ZNF664: variants seen among roughly 807,000 people sequenced by gnomAD.
ZNF664 encodes the protein zinc finger protein 664, also known as zinc finger Organ of Corti 1.
Under a neutral mutation model 18.2 loss-of-function variants are expected in ZNF664, and 10 were observed. The ratio of observed to expected loss-of-function variants is 0.55; its 90% CI spans 0.34 to 0.93. ZNF664 has a LOEUF of 0.93. Ranked by LOEUF, ZNF664 falls within the 40% of genes least tolerant of loss-of-function variation. The probability of loss-of-function intolerance (pLI) is 0.02; values close to 1 mark genes in which losing one functional copy is unlikely to be tolerated. For synonymous variants in ZNF664, 119 were observed against 104.2 expected (o/e 1.14, Z -0.86); for missense variants, 193 against 319.0 (o/e 0.61, Z 3.01).
chr12:123,973,570 T>G (rs1956627620), intron 1 of ZNF664: 8 of 334,954 alleles, frequency 2.4e-5, no homozygotes, highest in Non-Finnish European at 3.4e-5. Flanking sequence ...CCCTCGGGCC[T>G]CGGGCGGTCG....
chr12:124,001,608 C>T (rs753408016), intron 3 of ZNF664, among the ~76,000 whole-genome samples: 16 of 152,210 alleles, frequency 1.1e-4, no homozygotes, highest in Non-Finnish European at 2.1e-4. Flanking sequence ...AAAGTGGTCT[C>T]CCCTGACCTC....
intron 3 of ZNF664, among the ~76,000 whole-genome samples, chr12:124,010,164 T>C (rs1443929347): frequency 6.6e-6 from 1 of 152,224 alleles, no homozygotes; most frequent in East Asian, 1.9e-4. Context: ...TTTTTGTAGA[T>C]ATATGACCAT....
At chr12:123,996,404 G>A (rs563716991) in intron 3 of ZNF664, among the ~76,000 whole-genome samples, 1 of 152,134 alleles carries the variant, frequency 6.6e-6, no homozygotes, top group Non-Finnish European at 1.5e-5. Context: ...GGTGGAAGTT[G>A]GGGAGAATGT....
Position 123,973,686 on chromosome 12 carries a change from G to A in ZNF664, c.-891-200G>A, listed in dbSNP as rs1447805181. On this transcript the variant is annotated intron_variant, in intron 1 of 4. Coordinates refer to ENST00000337815, the MANE Select transcript of ZNF664 (RefSeq NM_152437.3). ...GGGCGAGGCCGGGCGAGGCCCCTCG[G>A]GAGCCGGACTCCCGAGCCAGGCTCC... 8.5e-6 allele frequency: 8 copies of A among 944,540 alleles called. No homozygotes were observed. The Admixed American group carries it at 2.8e-4, about 33-fold the overall frequency. The allele number at this position is 944,540 out of a possible 1,614,324, so 58.5% of individuals were successfully genotyped here. A position where few individuals can be genotyped will look rare whatever the true frequency, so the allele number is the denominator to read the frequency against.
At chr12:123,979,046 G>T (rs1316737197) in intron 2 of ZNF664, among the ~76,000 whole-genome samples, 4 of 152,124 alleles carry the variant, frequency 2.6e-5, no homozygotes, top group African/African-American at 9.7e-5. Context: ...AAATATAAGA[G>T]AATTTGTTAT....
Position 124,012,596 on chromosome 12 carries a change from C to T in ZNF664, c.452C>T (p.Ala151Val). The T allele has an allele frequency of 6.2e-7, 1 of 1,613,982 alleles. No individual in the cohort carries two copies. Among genetic ancestry groups the T allele is most frequent in the Non-Finnish European group, 8.5e-7 (1 of 1,179,944 alleles). The change falls in exon 5 of 5, where the codon GCC becomes GTC. Residue 151 changes from alanine (A) to valine (V), a missense_variant. By Grantham distance (64) the Ala-to-Val change is moderately conservative (BLOSUM62 0). This residue lies in a region of ZNF664 where 61 missense variants were observed against 153.7 expected (regional missense o/e 0.40). Coordinates refer to ENST00000337815, the MANE Select transcript of ZNF664 (RefSeq NM_152437.3). ...KPFKCEECGK[A>V]FRHTSSLCMH... ...TTTAAATGTGAAGAGTGTGGGAAGGCCTTCAGGCACACCTCCAGCCTCTGC... is the reference window on the plus strand; with the variant it reads ...TTTAAATGTGAAGAGTGTGGGAAGGTCTTCAGGCACACCTCCAGCCTCTGC...
intron 2 of ZNF664, chr12:123,974,649 A>G (rs969156771): frequency 6.6e-6 from 1 of 151,606 alleles, no homozygotes; most frequent in Admixed American, 6.6e-5. Context: ...GATGCCGACT[A>G]TTATGTGTGT....
intron 3 of ZNF664, among the ~76,000 whole-genome samples, chr12:123,990,261 A>G (rs1397647226): frequency 6.6e-6 from 1 of 152,192 alleles, no homozygotes; most frequent in African/African-American, 2.4e-5. Context: ...AATGGTTAAG[A>G]TGGTAGATTT....
intron 3 of ZNF664, among the ~76,000 whole-genome samples, chr12:123,994,213 C>A (rs1566201477): frequency 6.6e-6 from 1 of 151,930 alleles, no homozygotes; most frequent in Non-Finnish European, 1.5e-5. Flanking sequence ...TTTCAGTCTT[C>A]AAAAAAAGTG....
intron 3 of ZNF664, among the ~76,000 whole-genome samples, chr12:124,004,253 G>A (rs1173925793): frequency 6.6e-6 from 1 of 152,152 alleles, no homozygotes; most frequent in Non-Finnish European, 1.5e-5. Flanking sequence ...TGGAGGGAGG[G>A]CATAAGGAAC....
chr12:123,975,480 A>G (rs1956679034), intron 2 of ZNF664, among the ~76,000 whole-genome samples: 1 of 150,742 alleles, frequency 6.6e-6, no homozygotes, highest in Non-Finnish European at 1.5e-5. Flanking sequence ...GCTGGAGTGT[A>G]GTGGCATGAT....
chr12:124,006,807 C>G (rs1957078433), intron 3 of ZNF664, among the ~76,000 whole-genome samples: 1 of 152,132 alleles, frequency 6.6e-6, no homozygotes. Context: ...CTGAGTTTGT[C>G]CTTGGCAGCC....
intron 3 of ZNF664, among the ~76,000 whole-genome samples, chr12:123,993,153 A>G (rs1207885210): frequency 6.6e-6 from 1 of 152,188 alleles, no homozygotes; most frequent in Non-Finnish European, 1.5e-5. Context: ...AGAGACTCTG[A>G]AAGTCCATTG....
At position 124,015,015 on chromosome 12, in the gene ZNF664, C is replaced by CAA. The variant is rs1402811246; in HGVS notation, c.*2086_*2087insAA. On this transcript the variant is annotated 3_prime_UTR_variant, in exon 5 of 5. Transcript: ENST00000337815. Reference sequence around the variant, plus strand: ...AGTACGATTTACTGTAGTGTCTTATCACTCTTTCATGTCACAATAGCGTGG... The same window carrying CAA: ...AGTACGATTTACTGTAGTGTCTTATCAAACTCTTTCATGTCACAATAGCGTGG... The CAA allele has an allele frequency of 5.4e-5, 9 of 167,140 alleles. No individual in the cohort carries two copies. Among genetic ancestry groups the CAA allele is most frequent in the African/African-American group, 1.9e-4 (8 of 41,478 alleles). The allele number at this position is 167,140 out of a possible 1,614,324, so 10.4% of individuals were successfully genotyped here.
chr12:123,994,304 CTTTAAG>C (rs1956922415), intron 3 of ZNF664, among the ~76,000 whole-genome samples: 1 of 152,216 alleles, frequency 6.6e-6, no homozygotes, highest in South Asian at 2.1e-4. Context: ...CTCCAGAGAA[CTTTAAG>C]TTTATGTGGG....
Position 124,013,118 on chromosome 12 carries a change from G to C in ZNF664, c.*188G>C. On this transcript the variant is annotated 3_prime_UTR_variant, in exon 5 of 5. Transcript: ENST00000337815. ...TGTTCCACAGGTTGACTTTGAATGT[G>C]GACCTCTGAGCATCCACGCAGGATG... 1.2e-6 allele frequency: 1 copy of C among 828,314 alleles called. No homozygotes were observed. Among genetic ancestry groups the C allele is most frequent in the Non-Finnish European group, 1.9e-6 (1 of 538,942 alleles). The allele number at this position is 828,314 out of a possible 1,614,324, so 51.3% of individuals were successfully genotyped here.
Position 123,973,983 on chromosome 12 carries a change from C to A in ZNF664, c.-794C>A. 1 of 1,231,972 alleles carries A rather than the reference C, an allele frequency of 8.1e-7. No individual in the cohort carries two copies. 76.3% of individuals were successfully genotyped at this position (1,231,972 alleles called of 1,614,324 possible). A position where few individuals can be genotyped will look rare whatever the true frequency, so the allele number is the denominator to read the frequency against. On this transcript the variant is annotated 5_prime_UTR_variant, in exon 2 of 5. Coordinates refer to ENST00000337815, the MANE Select transcript of ZNF664 (RefSeq NM_152437.3). The stretch of plus-strand genomic sequence containing the variant: ...GAAGGCTGCTGCCGCCGGACGCCTC[C>A]ATTGTTTGACCACAACAAGGGCCGG...
At position 124,012,353 on chromosome 12, in the gene ZNF664, C is replaced by G. The variant is rs763884465; in HGVS notation, c.209C>G (p.Thr70Ser). 18 of 1,614,042 alleles carry G rather than the reference C, an allele frequency of 1.1e-5. No individual in the cohort carries two copies. Among genetic ancestry groups the G allele is most frequent in the Non-Finnish European group, 1.5e-5 (18 of 1,180,044 alleles). The change falls in exon 5 of 5, where the codon ACT becomes AGT. Residue 70 changes from threonine to serine, a missense_variant. Transcript: ENST00000337815. ...GATGATTGTGGTAAGGATTTTAGCACTACAACAAAACTTAATAGACATAAG... is the reference window on the plus strand; with the variant it reads ...GATGATTGTGGTAAGGATTTTAGCAGTACAACAAAACTTAATAGACATAAG... Reference protein sequence around the residue: ...KCDDCGKDFSTTTKLNRHKKI... With the variant: ...KCDDCGKDFSSTTKLNRHKKI...
In ZNF664 at chr12:124,012,709, C is replaced by T; in HGVS notation, c.565C>T (p.His189Tyr). 6.2e-7 allele frequency: 1 copy of T among 1,614,074 alleles called. No homozygotes were observed. Among genetic ancestry groups the T allele is most frequent in the Non-Finnish European group, 8.5e-7 (1 of 1,179,978 alleles). ...CAGTCAGAGTTCGAGCCTCTGCATC[C>T]ACCAGAGAGTCCACACTGGAGAGAA... ...AFSQSSSLCI[H>Y]QRVHTGEKPY... The change falls in exon 5 of 5, where the codon CAC (histidine) becomes TAC (tyrosine). Residue 189 changes from histidine (H) to tyrosine (Y), a missense_variant. By Grantham distance (83) the His-to-Tyr change is moderately conservative. Coordinates refer to ENST00000337815, the MANE Select transcript of ZNF664 (RefSeq NM_152437.3).
Sources: gnomAD v4.1 joint callset for allele counts (sites outside exome capture counted in the v4.1 genomes callset) on GRCh38, gnomAD v4.1.1 for gene constraint, gnomAD v4.1.1 regional missense constraint, MANE v1.5 for transcripts, NCBI Gene and HGNC (gene_info 2026-07-23, HGNC 2026-07-21) for gene names.